The following RNF34 variants were observed in gnomAD, a reference collection of about 807,000 sequenced individuals.
The protein encoded by RNF34 is ring finger protein 34, also known as E3 ubiquitin-protein ligase RNF34.
Under a neutral mutation model 37.9 loss-of-function variants are expected in RNF34, and 12 were observed. The ratio of observed to expected loss-of-function variants is 0.32; its 90% CI spans 0.20 to 0.51. The LOEUF is 0.51. Ranked by LOEUF, RNF34 falls within the 20% of genes least tolerant of loss-of-function variation. The pLI is 0.97. For missense variants in RNF34, 362 were observed against 472.7 expected (o/e 0.77, Z 2.17); for synonymous variants, 155 against 177.2 (o/e 0.87, Z 1.00).
chr12:121,417,163 A>G lies in RNF34; in HGVS notation c.226-341A>G, dbSNP rs1298255353. Among the ~76,000 whole-genome samples, 1 of 152,220 alleles carries G rather than the reference A, an allele frequency of 6.6e-6. No homozygotes were observed. Among genetic ancestry groups the G allele is most frequent in the Non-Finnish European group, 1.5e-5 (1 of 68,044 alleles). ...ATGGAGGAAATTGTTCATGTAGGAAAAGACCAGGAAGTGTGATTCTGCTTT... is the reference window on the plus strand; with the variant it reads ...ATGGAGGAAATTGTTCATGTAGGAAGAGACCAGGAAGTGTGATTCTGCTTT... On this transcript the variant is annotated intron_variant, in intron 2 of 5. Transcript: ENST00000361234. This position sits in a 1 kb window ranked among gnomAD's most constrained non-coding sequence, Gnocchi z 5.0.
Position 121,420,723 on chromosome 12 carries a change from A to G in RNF34, c.873A>G (p.Glu291=), listed in dbSNP as rs1306004557. 1 of 1,614,186 alleles carries G rather than the reference A, an allele frequency of 6.2e-7. No homozygotes were observed. Among genetic ancestry groups the G allele is most frequent in the African/African-American group, 1.3e-5 (1 of 75,056 alleles). Reference sequence around the variant, plus strand: ...ATTCTGGCTGTTGTGAAAAATGGGAACTGGTAGAGAAAGTAAACCGGTTAT... The same window carrying G: ...ATTCTGGCTGTTGTGAAAAATGGGAGCTGGTAGAGAAAGTAAACCGGTTAT... ...VNYSGCCEKW[E]LVEKVNRLYK... The change falls in exon 5 of 6, where the codon GAA becomes GAG. Residue 291 remains glutamate, a synonymous_variant. Transcript: ENST00000361234.
chr12:121,417,679 T>C lies in RNF34; in HGVS notation c.401T>C (p.Ile134Thr), dbSNP rs782242124. Reference sequence around the variant, plus strand: ...TATCTCATTCTGAGAAATATACCCATAGATACTTGTCGTGAGAAAGAAGAC... The same window carrying C: ...TATCTCATTCTGAGAAATATACCCACAGATACTTGTCGTGAGAAAGAAGAC... ...RQYLILRNIP[I>T]DTCREKEDLV... is the part of the protein sequence containing the mutation. The change falls in exon 3 of 6, where the codon ATA becomes ACA. Residue 134 changes from isoleucine (I) to threonine (T), a missense_variant. By Grantham distance (89) the Ile-to-Thr change is moderately conservative (BLOSUM62 -1). Coordinates refer to ENST00000361234, the MANE Select transcript of RNF34 (RefSeq NM_025126.4). This position sits in a 1 kb window ranked among gnomAD's most constrained non-coding sequence, Gnocchi z 5.0. 7.4e-6 allele frequency: 12 copies of C among 1,614,072 alleles called. No homozygotes were observed. The highest frequency in any genetic ancestry group is 1.0e-5 in the Non-Finnish European group (12 of 1,180,038).
At chr12:121,414,854 G>A (rs187266213) in intron 1 of RNF34, among the ~76,000 whole-genome samples, 1 of 152,346 alleles carries the variant, frequency 6.6e-6, no homozygotes, top group Non-Finnish European at 1.5e-5. Flanking sequence ...AGCACTTCGG[G>A]AGGCCGAGGT....
At chr12:121,402,568 A>AT (rs1870100494) in intron 1 of RNF34, among the ~76,000 whole-genome samples, 1 of 151,860 alleles carries the variant, frequency 6.6e-6, no homozygotes, top group African/African-American at 2.4e-5. Context: ...AAAAAAAAAA[A>AT]TCCAAATTGG....
chr12:121,421,380 A>G (rs1439851758), intron 5 of RNF34, among the ~76,000 whole-genome samples: 1 of 144,496 alleles, frequency 6.9e-6, no homozygotes, highest in African/African-American at 2.7e-5. Flanking sequence ...CTAAAAAAAA[A>G]AAAAAAAAAA....
chr12:121,400,344 G>A, intron 1 of RNF34, 126 bp downstream of exon 1: 4 of 1,188,398 alleles, frequency 3.4e-6, no homozygotes, highest in Non-Finnish European at 4.6e-6. Context: ...TGCGCTGAGG[G>A]GGGTCGCTTG....
chr12:121,421,478 G>A lies in RNF34; in HGVS notation c.928+700G>A, dbSNP rs188076750. Among the ~76,000 whole-genome samples, 5 of 150,550 alleles carry A rather than the reference G, an allele frequency of 3.3e-5. No individual in the cohort carries two copies. In the East Asian group the frequency reaches 5.9e-4, roughly 18 times the overall value. On this transcript the variant is annotated intron_variant, in intron 5 of 5. Coordinates refer to ENST00000361234, the MANE Select transcript of RNF34 (RefSeq NM_025126.4). ...TGAGGGGGGAGGATTGCTTGAGCCT[G>A]CAGGGAGCCGTGGTCATGCCACTGC...
At chr12:121,416,809 TAACA>T (rs1871615281) in intron 2 of RNF34, among the ~76,000 whole-genome samples, 1 of 152,254 alleles carries the variant, frequency 6.6e-6, no homozygotes, top group Non-Finnish European at 1.5e-5. Flanking sequence ...AATACTTAGC[TAACA>T]GTTATTTTCA....
chr12:121,402,830 A>G, intron 1 of RNF34: 1 of 1,521,036 alleles, frequency 6.6e-7, no homozygotes, highest in Non-Finnish European at 9.1e-7. Flanking sequence ...TCTATAGCAC[A>G]TGTTATTGTA....
chr12:121,415,484 C>T (rs576216040), intron 1 of RNF34, among the ~76,000 whole-genome samples: 108 of 152,034 alleles, frequency 7.1e-4, no homozygotes, highest in Non-Finnish European at 1.0e-3. Context: ...AAGTGTGTGG[C>T]GTGTGCCTGT....
At chr12:121,412,951 A>T (rs1437437904) in intron 1 of RNF34, among the ~76,000 whole-genome samples, 6 of 151,612 alleles carry the variant, frequency 4.0e-5, no homozygotes, top group Non-Finnish European at 8.8e-5. Flanking sequence ...TCTTGACCTC[A>T]TGATCTGCTC....
At chr12:121,419,352 G>A (rs1484596232) in intron 3 of RNF34, among the ~76,000 whole-genome samples, 5 of 152,156 alleles carry the variant, frequency 3.3e-5, no homozygotes, top group African/African-American at 4.8e-5. Flanking sequence ...TGACAAAATC[G>A]CCTAAGGACA....
chr12:121,414,248 A>C (rs74709796), intron 1 of RNF34, among the ~76,000 whole-genome samples: 2 of 152,262 alleles, frequency 1.3e-5, no homozygotes, highest in Non-Finnish European at 2.9e-5. Flanking sequence ...TACCTCAGCT[A>C]TCTCGACTTC....
intron 1 of RNF34, among the ~76,000 whole-genome samples, chr12:121,400,486 C>T (rs891696539): frequency 5.9e-5 from 9 of 152,194 alleles, no homozygotes; most frequent in Admixed American, 2.6e-4. Context: ...CCGGGTGGGC[C>T]CCTCTCTGCG....
In RNF34 at chr12:121,420,283, T is replaced by C. The variant is rs190921881; in HGVS notation, c.675T>C (p.Asp225=). ...CTTCAGCAAACACAGAAGATGATGA[T>C]GACGACGATGATGAGGATGATGATG... The part of the protein sequence containing the change: ...EITSANTEDD[D]DDDDEDDDDE... The change falls in exon 4 of 6, where the codon GAT becomes GAC. Residue 225 remains aspartate (D), a synonymous_variant. Coordinates refer to ENST00000361234, the MANE Select transcript of RNF34 (RefSeq NM_025126.4). The C allele has an allele frequency of 1.8e-5, 29 of 1,595,280 alleles. No homozygotes were observed. In the Admixed American group the frequency reaches 2.1e-4, roughly 11 times the overall value.
chr12:121,407,163 C>T (rs1399905358), intron 1 of RNF34, among the ~76,000 whole-genome samples: 1 of 152,084 alleles, frequency 6.6e-6, no homozygotes. Flanking sequence ...TGTGGTATAA[C>T]CCATGGAGTT....
chr12:121,414,937 C>G (rs2695150), intron 1 of RNF34, among the ~76,000 whole-genome samples: 1 of 152,206 alleles, frequency 6.6e-6, no homozygotes, highest in African/African-American at 2.4e-5. Context: ...TCTACCAAAA[C>G]TACAAAAAAT....
At chr12:121,410,483 G>A (rs1005074666) in intron 1 of RNF34, among the ~76,000 whole-genome samples, 3 of 151,070 alleles carry the variant, frequency 2.0e-5, no homozygotes, top group Non-Finnish European at 2.9e-5. Flanking sequence ...GTTGCAGTGA[G>A]CCGAGATTGC....
chr12:121,421,395 A>AAAT (rs1555283379), intron 5 of RNF34, among the ~76,000 whole-genome samples: 24 of 149,834 alleles, frequency 1.6e-4, no homozygotes, highest in African/African-American at 5.4e-4. Flanking sequence ...AAAAAAAAAA[A>AAAT]AAACCAAAAA....
Sources: allele counts gnomAD v4.1 joint callset (sites outside exome capture counted in the v4.1 genomes callset), GRCh38; gene constraint gnomAD v4.1.1; non-coding constraint Gnocchi (gnomAD v3.1); transcripts MANE v1.5; gene names NCBI Gene and HGNC (gene_info 2026-07-23, HGNC 2026-07-21).